GPRC5C: variants seen among roughly 807,000 people sequenced by gnomAD.
GPRC5C encodes G protein-coupled receptor family C group 5 member C.
Under a neutral mutation model 31.4 loss-of-function variants are expected in GPRC5C, and 22 were observed. That is an observed-to-expected ratio of 0.70 (90% CI 0.50 to 1.00). GPRC5C has a LOEUF of 1.00. GPRC5C is among the 50% of genes least tolerant of loss of function. The pLI, the probability that GPRC5C is intolerant of heterozygous loss-of-function variation, is 0.00. For synonymous variants in GPRC5C, 249 were observed against 257.5 expected (o/e 0.97, Z 0.32); for missense variants, 557 against 597.2 (o/e 0.93, Z 0.70).
At chr17:74,439,619 G>A (rs2055493380) in intron 1 of GPRC5C, 126 bp from the exon 2 acceptor site, 3 of 858,768 alleles carry the variant, frequency 3.5e-6, no homozygotes, top group Non-Finnish European at 1.8e-6. Flanking sequence ...GGATTCTGAG[G>A]TCCAGAGAGC....
At chr17:74,449,942 C>A (rs2706524), downstream of GPRC5C, 36,208 of 152,666 alleles carry the variant, frequency 0.24, 4,955 homozygotes, top group African/African-American at 0.39. Context: ...CAGAGCTCAG[C>A]CCGAGGCTTG....
In GPRC5C at chr17:74,443,893, C is replaced by G. The variant is rs779963933; in HGVS notation, c.1127C>G (p.Ala376Gly). ...AGTGTGTACCAGCCCACTGAGATGG[C>G]CCTGATGCACAAAGTTCCGGTAAGT... is the stretch of plus-strand genomic sequence containing the variant. ...LTSVYQPTEM[A>G]LMHKVPSEGA... Residue 376 changes from alanine to glycine, a missense_variant, in exon 3 of 4, where the codon GCC (alanine) becomes GGC (glycine). Transcript: ENST00000392627. 6.2e-7 allele frequency: 1 copy of G among 1,611,258 alleles called. No homozygotes were observed. The highest frequency in any genetic ancestry group is 8.5e-7 in the Non-Finnish European group (1 of 1,177,590).
intron 3 of GPRC5C, 122 bp downstream of exon 3, chr17:74,444,034 G>C (rs1198721793): frequency 2.9e-6 from 2 of 686,958 alleles, no homozygotes; most frequent in Non-Finnish European, 5.2e-6. Flanking sequence ...GGGAAGGCAA[G>C]CTTCTCCATC....
At chr17:74,433,629 A>T in intron 1 of GPRC5C, 1 of 1,223,594 alleles carries the variant, frequency 8.2e-7, no homozygotes, top group African/African-American at 1.5e-5. Flanking sequence ...CAGTCGGGCC[A>T]TCGTCTTTCC....
In GPRC5C at chr17:74,439,743, AG is replaced by A. The variant is rs1368090469; in HGVS notation, c.-31del. The A allele has an allele frequency of 6.3e-7, 1 of 1,598,974 alleles. No individual in the cohort carries two copies. Among genetic ancestry groups the A allele is most frequent in the Non-Finnish European group, 8.5e-7 (1 of 1,171,718 alleles). On this transcript the variant is annotated splice_acceptor_variant, in intron 1 of 3. Coordinates refer to ENST00000392627, the MANE Select transcript of GPRC5C (RefSeq NM_022036.4). LOFTEE classifies it low-confidence loss of function (5UTR_SPLICE). ...TTTTGTCCCTTTTCCTTCTGTCTCT[AG>A]GGACCCAACCAGAGCCTGGCCTGGG... is the stretch of plus-strand genomic sequence containing the variant.
intron 2 of GPRC5C, among the ~76,000 whole-genome samples, chr17:74,441,417 A>G (rs560830223): frequency 6.6e-6 from 1 of 152,288 alleles, no homozygotes; most frequent in African/African-American, 2.4e-5. Context: ...ATCCTGTTCC[A>G]TCCCCAGAAG....
At chr17:74,438,246 TATATATTTG>T (rs1462366265) in intron 1 of GPRC5C, among the ~76,000 whole-genome samples, 27 of 119,260 alleles carry the variant, frequency 2.3e-4, no homozygotes, top group African/African-American at 8.0e-4. Flanking sequence ...TATATATATA[TATATATTTG>T]TTGTTGTTGT....
At position 74,440,313 on chromosome 17, in the gene GPRC5C, G is replaced by A; in HGVS notation, c.537G>A (p.Leu179=). Residue 179 remains leucine, a synonymous_variant, in exon 2 of 4, where the codon CTG becomes CTA. Coordinates refer to ENST00000392627, the MANE Select transcript of GPRC5C (RefSeq NM_022036.4). The surrounding 1 kb of genome is among the most constrained non-coding windows in gnomAD (Gnocchi z 4.4). ...ATACAGAGTGGCTGATCATCACCCT[G>A]GTTCGGGGCAGTGGCGAGGGCGGCC... ...IINTEWLIIT[L]VRGSGEGGPQ... is the part of the protein sequence containing the mutation. 2 of 1,614,192 alleles carry A rather than the reference G, an allele frequency of 1.2e-6. No individual in the cohort carries two copies. The highest frequency in any genetic ancestry group is 1.7e-5 in the Admixed American group (1 of 60,028).
chr17:74,433,927 G>A (rs2055393413), intron 1 of GPRC5C, among the ~76,000 whole-genome samples: 1 of 152,192 alleles, frequency 6.6e-6, no homozygotes, highest in East Asian at 1.9e-4. Flanking sequence ...CTCCCCGGTT[G>A]CTGGATGAAG....
chr17:74,445,331 C>T (rs1158809559), intron 3 of GPRC5C: 5 of 152,108 alleles, frequency 3.3e-5, no homozygotes, highest in African/African-American at 9.7e-5. Flanking sequence ...TGTTAGCATC[C>T]GTTCAGGGCG....
At chr17:74,448,712 G>A (rs2055678825), downstream of GPRC5C, 1 of 460,940 alleles carries the variant, frequency 2.2e-6, no homozygotes, top group African/African-American at 2.0e-5. Flanking sequence ...GGCTGCCCTG[G>A]AAGGTGGGAA....
rs1015347219 is a variant in GPRC5C at position 74,446,930 on chromosome 17, G to A, written c.1228G>A (p.Ala410Thr). 21 of 1,614,044 alleles carry A rather than the reference G, an allele frequency of 1.3e-5. No homozygotes were observed. Among genetic ancestry groups the A allele is most frequent in the Non-Finnish European group, 1.6e-5 (19 of 1,180,016 alleles). Residue 410 changes from alanine to threonine, a missense_variant, in exon 4 of 4, where the codon GCT (alanine) becomes ACT (threonine). Transcript: ENST00000392627. ...GGGCAGTGCCAACTCGACCCTGCGG[G>A]CTGAAGACATGTACTCGGCCCAGAG... ...VMGSANSTLR[A>T]EDMYSAQSHQ... is the part of the protein sequence containing the mutation.
At chr17:74,444,276 G>A (rs989129302) in intron 3 of GPRC5C, among the ~76,000 whole-genome samples, 12 of 152,178 alleles carry the variant, frequency 7.9e-5, no homozygotes, top group African/African-American at 2.9e-4. Flanking sequence ...TCTCAGCCAG[G>A]TGCTCCCAAA....
chr17:74,448,799 T>C, downstream of GPRC5C: 1 of 1,004,168 alleles, frequency 1.0e-6, no homozygotes. Flanking sequence ...GGCCTCAGAG[T>C]AGTTCTACCG....
At chr17:74,434,017 GC>G (rs1479197621) in intron 1 of GPRC5C, among the ~76,000 whole-genome samples, 2 of 152,150 alleles carry the variant, frequency 1.3e-5, no homozygotes, top group Admixed American at 1.3e-4. Flanking sequence ...AGGCCTCTGC[GC>G]CCCCTGGAGA....
chr17:74,440,303 T>C lies in GPRC5C; in HGVS notation c.527T>C (p.Ile176Thr), dbSNP rs749939888. Residue 176 changes from isoleucine (I) to threonine (T), a missense_variant, in exon 2 of 4, where the codon ATC (isoleucine) becomes ACC (threonine). Transcript: ENST00000392627. This position sits in a 1 kb window ranked among gnomAD's most constrained non-coding sequence, Gnocchi z 4.4. ...GTCATCATCAATACAGAGTGGCTGA[T>C]CATCACCCTGGTTCGGGGCAGTGGC... ...VEVIINTEWL[I>T]ITLVRGSGEG... 1 of 1,614,144 alleles carries C rather than the reference T, an allele frequency of 6.2e-7. No homozygotes were observed. Among genetic ancestry groups the C allele is most frequent in the South Asian group, 1.1e-5 (1 of 91,086 alleles).
rs1194553578 is a variant in GPRC5C at position 74,440,588 on chromosome 17, A to G, written c.812A>G (p.Asn271Ser). Reference sequence around the variant, plus strand: ...TATACTTACGGCAACAAGCAGCACAACAGTCCCACCTGGGATGACCCCACG... The same window carrying G: ...TATACTTACGGCAACAAGCAGCACAGCAGTCCCACCTGGGATGACCCCACG... ...VMYTYGNKQHNSPTWDDPTLA... is the reference protein window; with the variant it reads ...VMYTYGNKQHSSPTWDDPTLA... Residue 271 changes from asparagine (N) to serine (S), a missense_variant, in exon 2 of 4, where the codon AAC becomes AGC. Transcript: ENST00000392627. The surrounding 1 kb of genome is among the most constrained non-coding windows in gnomAD (Gnocchi z 4.4). 1 of 1,614,080 alleles carries G rather than the reference A, an allele frequency of 6.2e-7. No individual in the cohort carries two copies. The highest frequency in any genetic ancestry group is 8.5e-7 in the Non-Finnish European group (1 of 1,179,936).
rs775859974 is a variant in GPRC5C at position 74,443,841 on chromosome 17, A to C, written c.1075A>C (p.Ser359Arg). The C allele has an allele frequency of 2.5e-6, 4 of 1,613,218 alleles. No homozygotes were observed. In the South Asian group the frequency reaches 4.4e-5, roughly 18 times the overall value. Residue 359 changes from serine to arginine, a missense_variant, in exon 3 of 4, where the codon AGC becomes CGC. Coordinates refer to ENST00000392627, the MANE Select transcript of GPRC5C (RefSeq NM_022036.4). The part of the protein sequence containing the change: ...VAAKRPVSPY[S>R]GYNGQLLTSV... ...AGCTAAGAGGCCGGTGTCACCATAC[A>C]GCGGGTACAATGGGCAGCTGCTGAC...
intron 1 of GPRC5C, chr17:74,432,412 G>T (rs564045483): frequency 8.3e-7 from 1 of 1,198,722 alleles, no homozygotes. Flanking sequence ...AGCCAGGACC[G>T]GGCCTGGCCC....
Sources: allele counts gnomAD v4.1 joint callset (sites outside exome capture counted in the v4.1 genomes callset), GRCh38; gene constraint gnomAD v4.1.1; non-coding constraint Gnocchi (gnomAD v3.1); transcripts MANE v1.5; gene names NCBI Gene and HGNC (gene_info 2026-07-23, HGNC 2026-07-21).